Variants in MCM9 observed in about 807,000 individuals in gnomAD.
MCM9 encodes the protein minichromosome maintenance 9 homologous recombination repair factor.
A neutral mutation model predicts 72.8 loss-of-function variants in MCM9; 55 were observed. The ratio of observed to expected loss-of-function variants is 0.76; its 90% CI spans 0.61 to 0.95. The LOEUF (loss-of-function observed/expected upper bound fraction) is 0.95, where lower values mean the gene tolerates loss of function less well. MCM9 is among the 40% of genes least tolerant of loss of function. The pLI, the probability that MCM9 is intolerant of heterozygous loss-of-function variation, is 0.00. For synonymous variants in MCM9, 480 were observed against 503.4 expected (o/e 0.95, Z 0.62); for missense variants, 1,279 against 1,377.0 (o/e 0.93, Z 1.13).
chr6:118,920,903 C>T (rs1781374665), intron 5 of MCM9: 2 of 152,190 alleles, frequency 1.3e-5, no homozygotes, highest in Non-Finnish European at 2.9e-5. Flanking sequence ...ACTAAAACAT[C>T]ACCCTTCCAC....
intron 8 of MCM9, among the ~76,000 whole-genome samples, chr6:118,859,767 C>T (rs1056475773): frequency 1.1e-4 from 17 of 152,146 alleles, no homozygotes; most frequent in African/African-American, 3.6e-4. Context: ...TTTAGAAATA[C>T]GCCAGAACTT....
At chr6:118,843,656 G>GTATATATATATATATATACA (rs1171113167) in intron 9 of MCM9, among the ~76,000 whole-genome samples, 1 of 11,944 alleles carries the variant, frequency 8.4e-5, no homozygotes, top group Non-Finnish European at 2.1e-4. Flanking sequence ...ATATATATAT[G>GTATATATATATATATATACA]TGTATATATA....
intron 8 of MCM9, among the ~76,000 whole-genome samples, chr6:118,870,459 C>A (rs1777528540): frequency 6.6e-6 from 1 of 151,120 alleles, no homozygotes; most frequent in African/African-American, 2.4e-5. Context: ...GAAAACACAA[C>A]ATGACAAAAC....
intron 8 of MCM9, among the ~76,000 whole-genome samples, chr6:118,900,181 G>A (rs1047374566): frequency 7.9e-5 from 12 of 152,156 alleles, no homozygotes; most frequent in African/African-American, 2.9e-4. Context: ...GGTGCCGTAA[G>A]GGAAAAACCC....
At chr6:118,919,567 T>A (rs568767443) in intron 5 of MCM9, 17 of 152,332 alleles carry the variant, frequency 1.1e-4, no homozygotes, top group African/African-American at 4.1e-4. Flanking sequence ...AATATATACG[T>A]GTTTTCTTTA....
At chr6:118,884,166 T>C (rs1259124204) in intron 8 of MCM9, among the ~76,000 whole-genome samples, 2 of 152,180 alleles carry the variant, frequency 1.3e-5, no homozygotes, top group East Asian at 1.9e-4. Flanking sequence ...AAAGTTAATA[T>C]AACAAACTCT....
At chr6:118,860,100 A>G (rs1413119864) in intron 8 of MCM9, among the ~76,000 whole-genome samples, 5 of 152,268 alleles carry the variant, frequency 3.3e-5, no homozygotes, top group Non-Finnish European at 5.9e-5. Context: ...ATTGCAAGGC[A>G]TACTAAAAGG....
At chr6:118,900,157 G>A (rs1169498502) in intron 8 of MCM9, among the ~76,000 whole-genome samples, 1 of 151,948 alleles carries the variant, frequency 6.6e-6, no homozygotes. Context: ...TTTAAAGAAT[G>A]TATGACACAG....
Position 118,829,098 on chromosome 6 carries a change from T to C in MCM9, c.1478A>G (p.Lys493Arg). ...FDLILVLLDT[K>R]NEDWDRIISS... is the part of the protein sequence containing the mutation. Reference sequence around the variant, plus strand: ...AATGATACGATCCCAGTCTTCATTCTTGGTATCAAGCAAAACCAGGATCAG... The same window carrying C: ...AATGATACGATCCCAGTCTTCATTCCTGGTATCAAGCAAAACCAGGATCAG... Residue 493 changes from lysine to arginine, a missense_variant, in exon 10 of 14, where the codon AAG (lysine) becomes AGG (arginine). Lys to Arg is a conservative substitution (Grantham distance 26). Transcript: ENST00000619706. 1 of 1,550,718 alleles carries C rather than the reference T, an allele frequency of 6.4e-7. No homozygotes were observed. Among genetic ancestry groups the C allele is most frequent in the South Asian group, 1.2e-5 (1 of 84,062 alleles).
chr6:118,815,969 G>A lies in MCM9; in HGVS notation c.2287C>T (p.Pro763Ser). 1.9e-6 allele frequency: 3 copies of A among 1,550,472 alleles called. No individual in the cohort carries two copies. The highest frequency in any genetic ancestry group is 1.2e-5 in the South Asian group (1 of 84,070). Residue 763 changes from proline (P) to serine (S), a missense_variant, in exon 14 of 14, where the codon CCT (proline) becomes TCT (serine). Transcript: ENST00000619706. ...TTTTCTCCAGATGTTTTGGGATGAG[G>A]AGACACAACAACAGTGTTTTTAGGT... ...SEPKNTVVVSPHPKTSGENMA... is the reference protein window; with the variant it reads ...SEPKNTVVVSSHPKTSGENMA...
intron 8 of MCM9, chr6:118,905,809 T>C (rs1019913901): frequency 1.8e-5 from 29 of 1,603,900 alleles, no homozygotes; most frequent in Non-Finnish European, 2.5e-5. Flanking sequence ...AATCCACCAG[T>C]AAAACCAGAC....
At chr6:118,818,455 T>G (rs1773553298) in intron 13 of MCM9, among the ~76,000 whole-genome samples, 1 of 152,210 alleles carries the variant, frequency 6.6e-6, no homozygotes, top group Non-Finnish European at 1.5e-5. Flanking sequence ...GTGGTGTTAT[T>G]TCTGAGGCCT....
intron 9 of MCM9, among the ~76,000 whole-genome samples, chr6:118,839,272 G>A (rs794875): frequency 0.076 from 11,550 of 151,640 alleles, 680 homozygotes; most frequent in East Asian, 0.19. Flanking sequence ...TTTCAGCTCC[G>A]TCAGGTCATT....
chr6:118,833,635 T>A (rs906891475), intron 9 of MCM9, among the ~76,000 whole-genome samples: 1 of 152,152 alleles, frequency 6.6e-6, no homozygotes, highest in African/African-American at 2.4e-5. Context: ...TACTACAACA[T>A]GGAAGAACCT....
At chr6:118,821,496 A>G (rs1304919745) in intron 13 of MCM9, among the ~76,000 whole-genome samples, 1 of 152,210 alleles carries the variant, frequency 6.6e-6, no homozygotes, top group Non-Finnish European at 1.5e-5. Context: ...ATCTGCGGTT[A>G]GTCTGATGGG....
chr6:118,923,935 A>C lies in MCM9; in HGVS notation c.497T>G (p.Phe166Cys), dbSNP rs368356460. ...IKADFEQYYT[F>C]CRPSSCPSLE... ...GCTGGGACACGAGGATGGCCGGCAAAAGGTGTAATACTGCTCAAAGTCAGC... is the reference window on the plus strand; with the variant it reads ...GCTGGGACACGAGGATGGCCGGCAACAGGTGTAATACTGCTCAAAGTCAGC... The change falls in exon 4 of 14, where the codon TTT becomes TGT. Residue 166 changes from phenylalanine (F) to cysteine (C), a missense_variant. Coordinates refer to ENST00000619706, the MANE Select transcript of MCM9 (RefSeq NM_017696.3). 1 of 1,614,114 alleles carries C rather than the reference A, an allele frequency of 6.2e-7. No individual in the cohort carries two copies. Among genetic ancestry groups the C allele is most frequent in the Non-Finnish European group, 8.5e-7 (1 of 1,180,046 alleles).
At chr6:118,923,562 C>A (rs1294537633) in intron 4 of MCM9, among the ~76,000 whole-genome samples, 1 of 152,160 alleles carries the variant, frequency 6.6e-6, no homozygotes, top group African/African-American at 2.4e-5. Flanking sequence ...CTTAAATATT[C>A]ACTTCTTTAA....
rs142586414 is a variant in MCM9 at position 118,866,811 on chromosome 6, G to A, written c.1151-10266C>T. 1.1e-4 allele frequency among the ~76,000 whole-genome samples: 17 copies of A among 152,264 alleles called. No homozygotes were observed. The East Asian group carries it at 2.7e-3, about 24-fold the overall frequency. ...CCAAGCCTGGGTAAGAAGATAGAAA[G>A]CCAGAGACAGGAAGCCCAAACAATA... is the stretch of plus-strand genomic sequence containing the variant. On this transcript the variant is annotated intron_variant, in intron 8 of 13. Coordinates refer to ENST00000619706, the MANE Select transcript of MCM9 (RefSeq NM_017696.3).
chr6:118,856,668 C>T (rs933089715), intron 8 of MCM9, 123 bp from the exon 9 acceptor site: 1 of 1,062,346 alleles, frequency 9.4e-7, no homozygotes, highest in Non-Finnish European at 1.3e-6. Context: ...TTCTTGAACA[C>T]AGGAGTTCGA....
Sources: gnomAD v4.1 joint callset for allele counts (sites outside exome capture counted in the v4.1 genomes callset) on GRCh38, gnomAD v4.1.1 for gene constraint, MANE v1.5 for transcripts, NCBI Gene and HGNC (gene_info 2026-07-23, HGNC 2026-07-21) for gene names.